Variants in RSBN1 observed in about 807,000 individuals in gnomAD.
RSBN1 encodes round spermatid basic protein 1, also known as lysine-specific demethylase 9.
RSBN1 carries 23 observed loss-of-function variants against 74.8 expected under a neutral mutation model. The ratio of observed to expected loss-of-function variants is 0.31; its 90% CI spans 0.22 to 0.44. The LOEUF (loss-of-function observed/expected upper bound fraction) is 0.44, where lower values mean the gene tolerates loss of function less well. Among genes scored for constraint, RSBN1 ranks in the 20% least tolerant of loss-of-function variants. The pLI, the probability that RSBN1 is intolerant of heterozygous loss-of-function variation, is 1.00. For synonymous variants in RSBN1, 407 were observed against 379.6 expected (o/e 1.07, Z -0.84); for missense variants, 808 against 1,020.9 (o/e 0.79, Z 2.84).
chr1:113,812,402 G>T lies in RSBN1; in HGVS notation c.11C>A (p.Ser4Tyr). The T allele has an allele frequency of 1.3e-6, 2 of 1,598,418 alleles. No homozygotes were observed. The highest frequency in any genetic ancestry group is 2.2e-5 in the South Asian group (2 of 90,820). Residue 4 changes from serine to tyrosine, a missense_variant, in exon 1 of 7, where the codon TCT (serine) becomes TAT (tyrosine). Ser to Tyr is a moderately radical substitution (Grantham distance 144). Transcript: ENST00000261441. MFI[S>Y]GRRTADKWRA... ...CCACTTGTCGGCCGTTCTTCGTCCA[G>T]AGATGAACATGCCGGAAGCGGCCGT...
At chr1:113,778,355 A>G (rs181419416) in intron 2 of RSBN1, among the ~76,000 whole-genome samples, 1 of 150,576 alleles carries the variant, frequency 6.6e-6, no homozygotes, top group Non-Finnish European at 1.5e-5. Context: ...CTGGAGTGCA[A>G]TGGCATGATC....
intron 2 of RSBN1, among the ~76,000 whole-genome samples, chr1:113,786,339 C>A (rs1161784088): frequency 6.6e-6 from 1 of 152,104 alleles, no homozygotes; most frequent in East Asian, 1.9e-4. Flanking sequence ...GAACCTAACC[C>A]CTAGAACCTA....
At position 113,765,407 on chromosome 1, in the gene RSBN1, G is replaced by A. The variant is rs963556661; in HGVS notation, c.*573C>T. ...GACAGTTTGGATCAGAAAGTGCTGT[G>A]CTTTCTCTTTTGTTAAGAAACCAGA... On this transcript the variant is annotated 3_prime_UTR_variant, in exon 7 of 7. Coordinates refer to ENST00000261441, the MANE Select transcript of RSBN1 (RefSeq NM_018364.5). 2.0e-5 allele frequency: 3 copies of A among 152,534 alleles called. No individual in the cohort carries two copies. Among genetic ancestry groups the A allele is most frequent in the Middle Eastern group, 3.4e-3 (1 of 294 alleles). 9.4% of individuals were successfully genotyped at this position (152,534 alleles called of 1,614,324 possible). A position where few individuals can be genotyped will look rare whatever the true frequency, so the allele number is the denominator to read the frequency against.
intron 1 of RSBN1, 120 bp downstream of exon 1, chr1:113,811,590 C>T (rs1044201726): frequency 1.8e-4 from 253 of 1,421,778 alleles, no homozygotes; most frequent in Non-Finnish European, 2.3e-4. Flanking sequence ...CCCCAGTGAG[C>T]TTAGAGAAGT....
intron 1 of RSBN1, among the ~76,000 whole-genome samples, chr1:113,809,584 G>A (rs1422139398): frequency 6.6e-6 from 1 of 152,196 alleles, no homozygotes; most frequent in Non-Finnish European, 1.5e-5. Context: ...GAAGGCTACA[G>A]TACACAGTTT....
At chr1:113,789,929 G>GA (rs1373707527) in intron 2 of RSBN1, among the ~76,000 whole-genome samples, 1 of 152,130 alleles carries the variant, frequency 6.6e-6, no homozygotes, top group Admixed American at 6.5e-5. Flanking sequence ...ATAACCTGCA[G>GA]AATGATACAC....
chr1:113,768,803 C>T (rs1659832870), intron 4 of RSBN1, among the ~76,000 whole-genome samples: 2 of 152,016 alleles, frequency 1.3e-5, no homozygotes, highest in South Asian at 4.1e-4. Context: ...ATTAATCAGG[C>T]TGCACTTAGA....
chr1:113,763,174 T>C lies in RSBN1; in HGVS notation c.*2806A>G, dbSNP rs1659713554. 1 of 152,798 alleles carries C rather than the reference T, an allele frequency of 6.5e-6. No homozygotes were observed. The highest frequency in any genetic ancestry group is 2.1e-4 in the South Asian group (1 of 4,834). 9.5% of individuals were successfully genotyped at this position (152,798 alleles called of 1,614,324 possible). On this transcript the variant is annotated 3_prime_UTR_variant, in exon 7 of 7. Coordinates refer to ENST00000261441, the MANE Select transcript of RSBN1 (RefSeq NM_018364.5). ...TTCTGGGGCAAGAGGAAGACTTTTATGCTTTTTAATGAATACCATGAAATT... is the reference window on the plus strand; with the variant it reads ...TTCTGGGGCAAGAGGAAGACTTTTACGCTTTTTAATGAATACCATGAAATT...
intron 3 of RSBN1, 105 bp downstream of exon 3, chr1:113,777,566 G>T: frequency 8.8e-7 from 1 of 1,137,492 alleles, no homozygotes; most frequent in Non-Finnish European, 1.2e-6. Flanking sequence ...GCAAAACACT[G>T]GATAAATTTA....
chr1:113,789,478 A>T (rs1186064838), intron 2 of RSBN1, among the ~76,000 whole-genome samples: 4 of 152,234 alleles, frequency 2.6e-5, no homozygotes, highest in Middle Eastern at 6.8e-3. Context: ...CCATAAACAT[A>T]AGTATTTCCC....
At position 113,797,967 on chromosome 1, in the gene RSBN1, T is replaced by C. The variant is rs746311684; in HGVS notation, c.773A>G (p.Lys258Arg). The stretch of plus-strand genomic sequence containing the variant: ...CATGTCTTCTCGGTGTTTCTTTTTC[T>C]TTTTCTTCTTTATTTTCTTCAAGAC... ...DFVLKKIKKK[K>R]KKKHREDMRG... Residue 258 changes from lysine (K) to arginine (R), a missense_variant, in exon 2 of 7, where the codon AAG becomes AGG. Around this residue, in one of 6 missense-constraint regions of RSBN1, gnomAD observed 464 missense variants for 401.0 expected, o/e 1.16. Coordinates refer to ENST00000261441, the MANE Select transcript of RSBN1 (RefSeq NM_018364.5). 1 of 1,612,820 alleles carries C rather than the reference T, an allele frequency of 6.2e-7. No individual in the cohort carries two copies. Among genetic ancestry groups the C allele is most frequent in the East Asian group, 2.2e-5 (1 of 44,864 alleles).
Position 113,811,948 on chromosome 1 carries a change from C to A in RSBN1, c.465G>T (p.Gly155=). ...CCGGGAGAGGGGCAGCGACAGCGGG[C>A]CCGGCGGGTGCCAGCGAAGGTGGCG... ...PPPPPSLAPA[G]PAVAAPLPAP... The change falls in exon 1 of 7, where the codon GGG becomes GGT. Residue 155 remains glycine (G), a synonymous_variant. Transcript: ENST00000261441. 6.3e-7 allele frequency: 1 copy of A among 1,591,462 alleles called. No homozygotes were observed. The highest frequency in any genetic ancestry group is 1.1e-5 in the South Asian group (1 of 89,184).
At chr1:113,777,584 T>C in intron 3 of RSBN1, 87 bp downstream of exon 3, 1 of 1,253,910 alleles carries the variant, frequency 8.0e-7, no homozygotes, top group Admixed American at 2.4e-5. Context: ...TTAATTTCAA[T>C]AGGCAATATT....
intron 2 of RSBN1, among the ~76,000 whole-genome samples, chr1:113,793,957 A>G (rs1660420342): frequency 1.3e-5 from 2 of 152,154 alleles, no homozygotes; most frequent in Non-Finnish European, 2.9e-5. Flanking sequence ...GTGAGACACC[A>G]TGCCCAGCCT....
chr1:113,801,894 T>C (rs1053817541), intron 1 of RSBN1, among the ~76,000 whole-genome samples: 6 of 152,184 alleles, frequency 3.9e-5, no homozygotes, highest in Non-Finnish European at 8.8e-5. Flanking sequence ...TATCAATTAA[T>C]GTCATCTGAT....
At chr1:113,766,940 G>A (rs975477256) in intron 6 of RSBN1, among the ~76,000 whole-genome samples, 159 bp downstream of exon 6, 1 of 152,118 alleles carries the variant, frequency 6.6e-6, no homozygotes, top group Non-Finnish European at 1.5e-5. Flanking sequence ...GGGAAGCTCT[G>A]TTTAAATGAT....
intron 2 of RSBN1, among the ~76,000 whole-genome samples, chr1:113,788,934 T>C (rs1417712475): frequency 6.6e-6 from 1 of 151,880 alleles, no homozygotes; most frequent in Non-Finnish European, 1.5e-5. Context: ...CATAATATTA[T>C]AAAACTGTAA....
At chr1:113,779,580 C>T (rs1377493770) in intron 2 of RSBN1, among the ~76,000 whole-genome samples, 1 of 152,156 alleles carries the variant, frequency 6.6e-6, no homozygotes, top group Non-Finnish European at 1.5e-5. Flanking sequence ...AACAAAGGCT[C>T]ATCATGGGAT....
chr1:113,777,746 A>G lies in RSBN1; in HGVS notation c.1440T>C (p.Val480=), dbSNP rs1261012954. ...RAGPMRQISL[V]GAVDEEVGDY... The stretch of plus-strand genomic sequence containing the variant: ...CACCAACTTCTTCATCTACTGCTCC[A>G]ACGAGACTTATCTGCCGCATAGGAC... Residue 480 remains valine, a synonymous_variant, in exon 3 of 7, where the codon GTT becomes GTC. Transcript: ENST00000261441. 7 of 1,611,458 alleles carry G rather than the reference A, an allele frequency of 4.3e-6. No homozygotes were observed. The highest frequency in any genetic ancestry group is 8.5e-7 in the Non-Finnish European group (1 of 1,178,252).
Sources: gnomAD v4.1 joint callset for allele counts (sites outside exome capture counted in the v4.1 genomes callset) on GRCh38, gnomAD v4.1.1 for gene constraint, gnomAD v4.1.1 regional missense constraint, MANE v1.5 for transcripts, NCBI Gene and HGNC (gene_info 2026-07-23, HGNC 2026-07-21) for gene names.